FGD4: variants seen among roughly 807,000 people sequenced by gnomAD.
The protein encoded by FGD4 is FYVE, RhoGEF and PH domain containing 4.
A neutral mutation model predicts 102.0 loss-of-function variants in FGD4; 42 were observed. The ratio of observed to expected loss-of-function variants is 0.41; its 90% CI spans 0.32 to 0.53. The LOEUF (loss-of-function observed/expected upper bound fraction) is 0.53, where lower values mean the gene tolerates loss of function less well. FGD4 is among the 20% of genes least tolerant of loss of function. The probability of loss-of-function intolerance (pLI) is 0.21; values close to 1 mark genes in which losing one functional copy is unlikely to be tolerated. For synonymous variants in FGD4, 380 were observed against 375.7 expected, an observed-to-expected ratio of 1.01 and a Z score of -0.13; for missense variants, 902 against 1,078.2, an observed-to-expected ratio of 0.84 and a Z score of 2.29.
chr12:32,473,090 T>A (rs10844212), intron 1 of FGD4, among the ~76,000 whole-genome samples: 144,951 of 151,022 alleles, frequency 0.96, 69,885 homozygotes, highest in East Asian at 1. Flanking sequence ...AACTAATCTG[T>A]TGGGGACGTG....
chr12:32,471,788 G>C (rs2136520056), intron 1 of FGD4, among the ~76,000 whole-genome samples: 1 of 152,270 alleles, frequency 6.6e-6, no homozygotes, highest in South Asian at 2.1e-4. Flanking sequence ...GATTCCAACA[G>C]GGAGGCAGTG....
intron 1 of FGD4, among the ~76,000 whole-genome samples, chr12:32,456,242 C>T (rs997114165): frequency 4.6e-5 from 7 of 152,118 alleles, no homozygotes; most frequent in Non-Finnish European, 8.8e-5. Flanking sequence ...CATTTTTTCA[C>T]TGTAATAGTG....
intron 1 of FGD4, among the ~76,000 whole-genome samples, chr12:32,478,632 C>A (rs1250494569): frequency 6.6e-6 from 1 of 152,188 alleles, no homozygotes; most frequent in Non-Finnish European, 1.5e-5. Context: ...TTTGGGATAG[C>A]ACAAGCTTCC....
intron 1 of FGD4, among the ~76,000 whole-genome samples, chr12:32,480,719 TTG>T (rs1257833704): frequency 1.5e-4 from 22 of 151,612 alleles, no homozygotes; most frequent in Non-Finnish European, 1.8e-4. Context: ...CAGGATGCTC[TTG>T]CTCTCCTGAC....
At chr12:32,532,433 G>A (rs34069511) in intron 1 of FGD4, among the ~76,000 whole-genome samples, 11,686 of 152,140 alleles carry the variant, frequency 0.077, 654 homozygotes, top group Non-Finnish European at 0.11. Flanking sequence ...TCTGCAAAAT[G>A]GTGATAAATT....
rs1168120855 is a variant in FGD4 at position 32,399,921 on chromosome 12, C to T, written c.128C>T (p.Thr43Ile). 1.3e-6 allele frequency: 2 copies of T among 1,517,412 alleles called. No homozygotes were observed. The highest frequency in any genetic ancestry group is 1.4e-5 in the African/African-American group (1 of 70,312). 94.0% of individuals were successfully genotyped at this position (1,517,412 alleles called of 1,614,324 possible). The part of the protein sequence containing the change: ...RPASHLGRVG[T>I]AAFKGQVPSG... ...GCGTCGCACCTGGGACGTGTAGGGA[C>T]CGCTGCCTTCAAGGGCCAGGTGCCC... The change falls in exon 1 of 17, where the codon ACC becomes ATC. Residue 43 changes from threonine to isoleucine, a missense_variant. Physicochemically the swap from Thr to Ile is moderately conservative, Grantham distance 89. Transcript: ENST00000534526.
chr12:32,497,808 T>C (rs1436931165), intron 1 of FGD4, among the ~76,000 whole-genome samples: 1 of 152,224 alleles, frequency 6.6e-6, no homozygotes, highest in Non-Finnish European at 1.5e-5. Context: ...CTTTCAGTCA[T>C]GCCACACGTA....
At chr12:32,470,706 A>C (rs1943394805) in intron 1 of FGD4, among the ~76,000 whole-genome samples, 1 of 151,946 alleles carries the variant, frequency 6.6e-6, no homozygotes, top group African/African-American at 2.4e-5. Context: ...CGGCCTCCTC[A>C]GCCTCCCAAA....
chr12:32,637,529 G>A (rs1039200139), intron 15 of FGD4: 9 of 152,076 alleles, frequency 5.9e-5, no homozygotes, highest in African/African-American at 2.2e-4. Flanking sequence ...CTGGGAGGTG[G>A]AGCTTGCAGT....
Position 32,525,867 on chromosome 12 carries a change from G to A in FGD4, c.167-38270G>A, listed in dbSNP as rs530020042. On this transcript the variant is annotated intron_variant, in intron 1 of 16. Transcript: ENST00000534526. ...AGTCCCCCAGCACTGCTGGCCCACC[G>A]GTGCTGCGCTCGATTTCTCACCGGG... 1.1e-4 allele frequency among the ~76,000 whole-genome samples: 17 copies of A among 152,354 alleles called. No individual in the cohort carries two copies. The East Asian group carries it at 2.3e-3, about 21-fold the overall frequency.
intron 1 of FGD4, among the ~76,000 whole-genome samples, chr12:32,560,746 G>A (rs1477582313): frequency 1.3e-5 from 2 of 151,818 alleles, no homozygotes; most frequent in Non-Finnish European, 2.9e-5. Flanking sequence ...AGGCTGGAGT[G>A]CAGTGGTGTG....
At chr12:32,480,861 T>C (rs1044973886) in intron 1 of FGD4, among the ~76,000 whole-genome samples, 1 of 151,206 alleles carries the variant, frequency 6.6e-6, no homozygotes, top group African/African-American at 2.4e-5. Context: ...TGGAGTGTTG[T>C]GGCACCATTA....
chr12:32,423,651 T>C (rs1199411186), intron 1 of FGD4, among the ~76,000 whole-genome samples: 1 of 150,554 alleles, frequency 6.6e-6, no homozygotes, highest in Non-Finnish European at 1.5e-5. Flanking sequence ...GGCTACTCCA[T>C]AGGCAGAGCA....
chr12:32,515,187 G>T (rs981075076), intron 1 of FGD4, among the ~76,000 whole-genome samples: 2 of 152,158 alleles, frequency 1.3e-5, no homozygotes, highest in African/African-American at 4.8e-5. Context: ...AACACCATGG[G>T]ATTAGAACAG....
chr12:32,516,671 CATAGAAT>C (rs1428658912), intron 1 of FGD4, among the ~76,000 whole-genome samples: 1 of 152,150 alleles, frequency 6.6e-6, no homozygotes, highest in East Asian at 1.9e-4. Context: ...TCACATTTAA[CATAGAAT>C]AAAGTTTTAT....
intron 7 of FGD4, 52 bp downstream of exon 7, chr12:32,602,369 A>G (rs1948482653): frequency 6.2e-7 from 1 of 1,605,046 alleles, no homozygotes; most frequent in South Asian, 1.1e-5. Flanking sequence ...CATACAAATT[A>G]TACAGTCTTC....
Position 32,633,589 on chromosome 12 carries a change from A to T in FGD4, c.2213A>T (p.Glu738Val). Reference protein sequence around the residue: ...WKCSDYKAQLEYDGGKLSKVC... With the variant: ...WKCSDYKAQLVYDGGKLSKVC... Reference sequence around the variant, plus strand: ...TGCTCCGACTACAAAGCTCAACTTGAATATGATGGTGGTAAATTGAGCAAA... The same window carrying T: ...TGCTCCGACTACAAAGCTCAACTTGTATATGATGGTGGTAAATTGAGCAAA... Residue 738 changes from glutamate to valine, a missense_variant, in exon 15 of 17, where the codon GAA (glutamate) becomes GTA (valine). Coordinates refer to ENST00000534526, the MANE Select transcript of FGD4 (RefSeq NM_001370298.3). 1.9e-6 allele frequency: 3 copies of T among 1,614,014 alleles called. No individual in the cohort carries two copies. The South Asian group carries it at 3.3e-5, about 18-fold the overall frequency.
chr12:32,490,592 T>G (rs1489804424), intron 1 of FGD4, among the ~76,000 whole-genome samples: 1 of 151,356 alleles, frequency 6.6e-6, no homozygotes, highest in African/African-American at 2.4e-5. Flanking sequence ...AAAGACAGGG[T>G]TTCACCATAT....
intron 4 of FGD4, among the ~76,000 whole-genome samples, chr12:32,585,066 C>T (rs1476211683): frequency 6.6e-6 from 1 of 151,130 alleles, no homozygotes; most frequent in African/African-American, 2.4e-5. Context: ...ACTAAAAATA[C>T]AAAAAATTAG....
Sources: gnomAD v4.1 joint callset for allele counts (sites outside exome capture counted in the v4.1 genomes callset) on GRCh38, gnomAD v4.1.1 for gene constraint, MANE v1.5 for transcripts, NCBI Gene and HGNC (gene_info 2026-07-23, HGNC 2026-07-21) for gene names.